Variants in GMDS observed in about 807,000 individuals in gnomAD.
GMDS encodes GDP-mannose 4,6-dehydratase, also known as GDP-mannose 4,6 dehydratase.
In GMDS, 20 loss-of-function variants were observed where a neutral mutation model predicts 49.9. That is an observed-to-expected ratio of 0.40 (90% CI 0.28 to 0.58). GMDS has a LOEUF of 0.58. Among genes scored for constraint, GMDS ranks in the 20% least tolerant of loss-of-function variants. The probability of loss-of-function intolerance (pLI) is 0.42; values close to 1 mark genes in which losing one functional copy is unlikely to be tolerated. For missense variants in GMDS, 362 were observed against 481.4 expected (o/e 0.75, Z 2.32); for synonymous variants, 177 against 178.6 (o/e 0.99, Z 0.07).
At chr6:1,702,859 C>T (rs188103456) in intron 9 of GMDS, among the ~76,000 whole-genome samples, 4 of 152,290 alleles carry the variant, frequency 2.6e-5, no homozygotes, top group African/African-American at 9.6e-5. Context: ...AAGATAACTT[C>T]GGCTCTGTGA....
chr6:2,200,671 C>A (rs544705742), intron 1 of GMDS, among the ~76,000 whole-genome samples: 39 of 135,716 alleles, frequency 2.9e-4, no homozygotes, highest in Middle Eastern at 4.7e-3. Flanking sequence ...GAGATGAAAC[C>A]ATCTAGGCAG....
In GMDS at chr6:1,715,560, C is replaced by G. The variant is rs147589531; in HGVS notation, c.987+10856G>C. ...CCTGGGGGAACAGGTGCAGGCTGCA[C>G]CAAGGAGCTGACACTTGTGCAGGGT... On this transcript the variant is annotated intron_variant, in intron 9 of 10. Coordinates refer to ENST00000380815, the MANE Select transcript of GMDS (RefSeq NM_001500.4). Among the ~76,000 whole-genome samples, 636 of 152,300 alleles carry G rather than the reference C, an allele frequency of 4.2e-3. 3 individuals carry two copies. Among genetic ancestry groups the G allele is most frequent in the Non-Finnish European group, 7.3e-3 (498 of 68,034 alleles).
intron 4 of GMDS, among the ~76,000 whole-genome samples, chr6:1,967,323 C>T (rs1261502184): frequency 3.3e-5 from 5 of 152,162 alleles, no homozygotes; most frequent in South Asian, 2.1e-4. Context: ...GCCGGAAGCA[C>T]GCCTTGGCAC....
intron 7 of GMDS, among the ~76,000 whole-genome samples, chr6:1,821,251 T>C (rs1581221085): frequency 6.6e-6 from 1 of 152,076 alleles, no homozygotes; most frequent in East Asian, 1.9e-4. Flanking sequence ...CGGAAGTGAG[T>C]GGGTCTCCCG....
chr6:2,238,733 C>G (rs1043890339), intron 1 of GMDS, among the ~76,000 whole-genome samples: 7 of 152,136 alleles, frequency 4.6e-5, no homozygotes, highest in African/African-American at 1.7e-4. Flanking sequence ...AAGAAAAACC[C>G]AAGAATTTAA....
intron 1 of GMDS, among the ~76,000 whole-genome samples, chr6:2,223,384 G>A (rs1581820630): frequency 6.6e-6 from 1 of 151,914 alleles, no homozygotes; most frequent in Admixed American, 6.6e-5. Context: ...GCAAGAGAGA[G>A]CCACCAATAG....
At chr6:2,145,893 A>G (rs916033963) in intron 1 of GMDS, among the ~76,000 whole-genome samples, 5 of 152,202 alleles carry the variant, frequency 3.3e-5, no homozygotes, top group Admixed American at 6.5e-5. Context: ...TACGTAAGTT[A>G]TATGCAAATA....
intron 4 of GMDS, among the ~76,000 whole-genome samples, chr6:2,012,506 T>C (rs1029900240): frequency 6.6e-6 from 1 of 152,272 alleles, no homozygotes; most frequent in African/African-American, 2.4e-5. Flanking sequence ...TATAAAGAAA[T>C]TGGGTTTACC....
At chr6:1,819,774 AAAAT>A (rs369971567) in intron 7 of GMDS, among the ~76,000 whole-genome samples, 18,981 of 121,902 alleles carry the variant, frequency 0.16, 1,075 homozygotes, top group South Asian at 0.24. Flanking sequence ...AAAAAAAAAA[AAAAT>A]ATATATATAT....
chr6:1,722,483 AT>A (rs1161877339), intron 9 of GMDS, among the ~76,000 whole-genome samples: 2 of 143,166 alleles, frequency 1.4e-5, no homozygotes, highest in Non-Finnish European at 3.2e-5. Context: ...ACAGTGTTTG[AT>A]AAATACTTAG....
intron 7 of GMDS, among the ~76,000 whole-genome samples, chr6:1,899,233 TC>T (rs1760375405): frequency 6.6e-6 from 1 of 152,140 alleles, no homozygotes; most frequent in Non-Finnish European, 1.5e-5. Context: ...GTGTTATTTT[TC>T]TTCTCCAATC....
chr6:1,770,049 A>G lies in GMDS; in HGVS notation c.772-27463T>C, dbSNP rs1768517369. 3.9e-5 allele frequency among the ~76,000 whole-genome samples: 6 copies of G among 152,324 alleles called. No homozygotes were observed. In the South Asian group the frequency reaches 1.2e-3, roughly 32 times the overall value. On this transcript the variant is annotated intron_variant, in intron 7 of 10. Coordinates refer to ENST00000380815, the MANE Select transcript of GMDS (RefSeq NM_001500.4). Reference sequence around the variant, plus strand: ...CCTAAATGTAACTTTCTAATGATTGATATCTTTTGTTATGAATGCTAACTA... The same window carrying G: ...CCTAAATGTAACTTTCTAATGATTGGTATCTTTTGTTATGAATGCTAACTA...
intron 7 of GMDS, among the ~76,000 whole-genome samples, chr6:1,926,294 C>A (rs574702889): frequency 6.6e-6 from 1 of 152,274 alleles, no homozygotes; most frequent in East Asian, 1.9e-4. Flanking sequence ...GAAAGAGCAC[C>A]CTGTAACACA....
At chr6:2,045,016 T>C (rs925040803) in intron 4 of GMDS, among the ~76,000 whole-genome samples, 3 of 152,202 alleles carry the variant, frequency 2.0e-5, no homozygotes, top group Non-Finnish European at 2.9e-5. Flanking sequence ...GCTTATAAAA[T>C]GATGAAGAAA....
At chr6:1,910,330 T>C (rs1329890068) in intron 7 of GMDS, among the ~76,000 whole-genome samples, 1 of 149,706 alleles carries the variant, frequency 6.7e-6, no homozygotes, top group East Asian at 1.9e-4. Flanking sequence ...AAAAAGAAGA[T>C]GATACTGGGC....
rs149155231 is a variant in GMDS, at chr6:1,949,100, A to G, written c.643+10767T>C. On this transcript the variant is annotated intron_variant, in intron 6 of 10. Transcript: ENST00000380815. ...TAAAAAAACTAATTCTCTAGCTTTC[A>G]GCATTGAAAATACAGGAACAGGGAA... 8.8e-5 allele frequency: 73 copies of G among 833,090 alleles called. No homozygotes were observed. In the African/African-American group the frequency reaches 1.1e-3, roughly 13 times the overall value. The allele number at this position is 833,090 out of a possible 1,614,324, so 51.6% of individuals were successfully genotyped here.
chr6:2,008,928 GA>G (rs1428670379), intron 4 of GMDS, among the ~76,000 whole-genome samples: 3 of 152,166 alleles, frequency 2.0e-5, no homozygotes, highest in African/African-American at 7.2e-5. Context: ...ATTACTCTAT[GA>G]AAAGCAAGTT....
intron 9 of GMDS, among the ~76,000 whole-genome samples, chr6:1,703,598 G>A (rs981797277): frequency 3.3e-5 from 5 of 152,244 alleles, no homozygotes. Context: ...AAAGCTGTGG[G>A]GCAGCACGCT....
chr6:1,657,096 C>G (rs1581419936), intron 9 of GMDS, among the ~76,000 whole-genome samples: 1 of 152,200 alleles, frequency 6.6e-6, no homozygotes, highest in Non-Finnish European at 1.5e-5. Context: ...TGACCATTGG[C>G]TCCTTGGGAG....
Sources: gnomAD v4.1 joint callset for allele counts (sites outside exome capture counted in the v4.1 genomes callset) on GRCh38, gnomAD v4.1.1 for gene constraint, MANE v1.5 for transcripts, NCBI Gene and HGNC (gene_info 2026-07-23, HGNC 2026-07-21) for gene names.